PIK3C2G: variants seen among roughly 807,000 people sequenced by gnomAD.
PIK3C2G encodes the protein phosphatidylinositol-4-phosphate 3-kinase catalytic subunit type 2 gamma.
A neutral mutation model predicts 181.1 loss-of-function variants in PIK3C2G; 168 were observed. The ratio of observed to expected loss-of-function variants is 0.93; its 90% CI spans 0.82 to 1.05. PIK3C2G has a LOEUF of 1.05. PIK3C2G is among the 50% of genes least tolerant of loss of function. The pLI is 0.00. For missense variants in PIK3C2G, 1,869 were observed against 1,732.8 expected, an observed-to-expected ratio of 1.08 and a Z score of -1.40; for synonymous variants, 573 against 592.2, an observed-to-expected ratio of 0.97 and a Z score of 0.47.
chr12:18,483,616 T>A (rs1290789981), intron 18 of PIK3C2G, among the ~76,000 whole-genome samples: 2 of 152,062 alleles, frequency 1.3e-5, no homozygotes, highest in Non-Finnish European at 2.9e-5. Context: ...TCACCAGACT[T>A]GGCTCCAGAT....
At chr12:18,455,034 G>T (rs1947550248) in intron 18 of PIK3C2G, among the ~76,000 whole-genome samples, 2 of 152,172 alleles carry the variant, frequency 1.3e-5, no homozygotes, top group South Asian at 2.1e-4. Flanking sequence ...ACTGGAGAAA[G>T]ATTTGCTTCC....
intron 11 of PIK3C2G, among the ~76,000 whole-genome samples, chr12:18,355,872 A>C (rs1940680793): frequency 6.6e-6 from 1 of 152,212 alleles, no homozygotes. Context: ...TGTTTGTAGT[A>C]GAACCCTTAA....
rs147117350 is a variant in PIK3C2G at position 18,523,673 on chromosome 12, T to C, written c.3324-14483T>C. Among the ~76,000 whole-genome samples, 12 of 152,292 alleles carry C rather than the reference T, an allele frequency of 7.9e-5. No homozygotes were observed. The East Asian group carries it at 2.3e-3, about 29-fold the overall frequency. On this transcript the variant is annotated intron_variant, in intron 24 of 32. Coordinates refer to ENST00000538779, the MANE Select transcript of PIK3C2G (RefSeq NM_001288772.2). ...GTCTGGGAAAGACTTAATGCAAGCA[T>C]TGAAATTAGTTGGATCACCTCTTCA...
At chr12:18,684,154 A>G in the PIK3C2G span, 2 of 1,611,934 alleles carry the variant, frequency 1.2e-6, no homozygotes, top group Non-Finnish European at 1.7e-6. Flanking sequence ...AGAAGTGGCA[A>G]AGTATATTGC....
intron 1 of PIK3C2G, among the ~76,000 whole-genome samples, chr12:18,272,461 T>G (rs1423521254): frequency 6.6e-6 from 1 of 152,184 alleles, no homozygotes. Flanking sequence ...GCCTAGTTTT[T>G]ATAATTCATT....
intron 24 of PIK3C2G, among the ~76,000 whole-genome samples, chr12:18,524,073 C>G (rs534745743): frequency 6.6e-5 from 10 of 152,324 alleles, no homozygotes; most frequent in Admixed American, 5.9e-4. Flanking sequence ...CACTCCTTTT[C>G]TTTTTTTCTA....
At chr12:18,412,897 A>G (rs1944949467) in intron 16 of PIK3C2G, among the ~76,000 whole-genome samples, 1 of 152,136 alleles carries the variant, frequency 6.6e-6, no homozygotes, top group African/African-American at 2.4e-5. Context: ...TGTAAGCATT[A>G]CCATTTCAAC....
chr12:18,305,294 A>T lies in PIK3C2G; in HGVS notation c.1035-8668A>T, dbSNP rs536157337. Among the ~76,000 whole-genome samples, 5 of 152,184 alleles carry T rather than the reference A, an allele frequency of 3.3e-5. No individual in the cohort carries two copies. In the East Asian group the frequency reaches 5.8e-4, roughly 18 times the overall value. The stretch of plus-strand genomic sequence containing the variant: ...TGCTAAATAAAGTTTGTTTATTATG[A>T]TTAAAAGCTACTTGTAAAAATGACA... On this transcript the variant is annotated intron_variant, in intron 5 of 32. Coordinates refer to ENST00000538779, the MANE Select transcript of PIK3C2G (RefSeq NM_001288772.2).
chr12:18,419,357 C>T (rs930327870), intron 16 of PIK3C2G, among the ~76,000 whole-genome samples: 1 of 152,168 alleles, frequency 6.6e-6, no homozygotes, highest in Non-Finnish European at 1.5e-5. Flanking sequence ...ACTTAGGCAA[C>T]AAAACTTACC....
intron 24 of PIK3C2G, among the ~76,000 whole-genome samples, chr12:18,514,603 C>A (rs1034703286): frequency 6.6e-6 from 1 of 151,800 alleles, no homozygotes; most frequent in Non-Finnish European, 1.5e-5. Flanking sequence ...TATCCTGCAA[C>A]TTTATTGAAT....
At chr12:18,302,656 C>T (rs1002180100) in intron 5 of PIK3C2G, among the ~76,000 whole-genome samples, 2 of 152,090 alleles carry the variant, frequency 1.3e-5, no homozygotes, top group East Asian at 1.9e-4. Context: ...GGTCTTTTGT[C>T]AGGCCATCTG....
chr12:18,633,570 G>GT (rs1949453397), intron 31 of PIK3C2G, among the ~76,000 whole-genome samples: 1 of 152,160 alleles, frequency 6.6e-6, no homozygotes, highest in African/African-American at 2.4e-5. Flanking sequence ...GTAGTATTCT[G>GT]TTGACCTTAA....
intron 25 of PIK3C2G, among the ~76,000 whole-genome samples, chr12:18,541,256 A>G (rs990968668): frequency 2.6e-5 from 4 of 151,910 alleles, no homozygotes; most frequent in African/African-American, 9.7e-5. Context: ...CATCCTTAGT[A>G]AAGAGCAGCA....
intron 26 of PIK3C2G, among the ~76,000 whole-genome samples, chr12:18,561,801 A>C (rs1055750592): frequency 5.3e-5 from 8 of 152,022 alleles, no homozygotes; most frequent in Non-Finnish European, 8.8e-5. Context: ...ACCAAAAACA[A>C]AGGAAAACAA....
At chr12:18,539,801 G>A (rs982653482) in intron 25 of PIK3C2G, among the ~76,000 whole-genome samples, 1 of 151,844 alleles carries the variant, frequency 6.6e-6, no homozygotes, top group Non-Finnish European at 1.5e-5. Context: ...TTATAAACAT[G>A]TCCTTCATAT....
At chr12:18,417,268 T>C (rs948126799) in intron 16 of PIK3C2G, among the ~76,000 whole-genome samples, 1 of 152,144 alleles carries the variant, frequency 6.6e-6, no homozygotes, top group African/African-American at 2.4e-5. Flanking sequence ...TTTCTTGAGA[T>C]AGAATTTACT....
intron 18 of PIK3C2G, among the ~76,000 whole-genome samples, chr12:18,451,438 C>A (rs1020682065): frequency 1.3e-5 from 2 of 152,184 alleles, no homozygotes; most frequent in East Asian, 1.9e-4. Flanking sequence ...AATCCTGAGA[C>A]TTTGCTGAAG....
intron 18 of PIK3C2G, among the ~76,000 whole-genome samples, chr12:18,481,100 T>C (rs1376205389): frequency 6.8e-5 from 2 of 29,366 alleles, no homozygotes; most frequent in Non-Finnish European, 1.2e-4. Flanking sequence ...ATCCAGCTAA[T>C]TTTTTTTGTA....
intron 32 of PIK3C2G, among the ~76,000 whole-genome samples, chr12:18,641,761 T>G (rs1303481726): frequency 6.7e-6 from 1 of 148,744 alleles, no homozygotes; most frequent in African/African-American, 2.5e-5. Flanking sequence ...TTTTTTTTTT[T>G]TTGAGATGGA....
Sources: gnomAD v4.1 joint callset for allele counts (sites outside exome capture counted in the v4.1 genomes callset) on GRCh38, gnomAD v4.1.1 for gene constraint, MANE v1.5 for transcripts, NCBI Gene and HGNC (gene_info 2026-07-23, HGNC 2026-07-21) for gene names.